Variants in LPP observed in about 807,000 individuals in gnomAD.
The protein encoded by LPP is LIM domain containing preferred translocation partner in lipoma, also known as lipoma-preferred partner.
Under a neutral mutation model 60.4 loss-of-function variants are expected in LPP, and 38 were observed. That is an observed-to-expected ratio of 0.63 (90% CI 0.49 to 0.83). The LOEUF (loss-of-function observed/expected upper bound fraction) is 0.83. Ranked by LOEUF, LPP falls within the 40% of genes least tolerant of loss-of-function variation. The probability of loss-of-function intolerance (pLI) is 0.00; values close to 1 mark genes in which losing one functional copy is unlikely to be tolerated. For missense variants in LPP, 902 were observed against 783.6 expected (o/e 1.15, Z -1.80); for synonymous variants, 328 against 290.8 (o/e 1.13, Z -1.30).
chr3:188,874,683 T>G lies in LPP; in HGVS notation c.*204T>G. ...CACATTGAATCATGTAGGATCTTGA[T>G]GGGCCTTTGTTCCCAAGGACTTCCA... On this transcript the variant is annotated 3_prime_UTR_variant, in exon 12 of 12. Coordinates refer to ENST00000617246, the MANE Select transcript of LPP (RefSeq NM_001375462.1). 1 of 550,622 alleles carries G rather than the reference T, an allele frequency of 1.8e-6. No homozygotes were observed. The highest frequency in any genetic ancestry group is 3.0e-5 in the South Asian group (1 of 33,314). The allele number at this position is 550,622 out of a possible 1,614,324, so 34.1% of individuals were successfully genotyped here. A position where few individuals can be genotyped will look rare whatever the true frequency, so the allele number is the denominator to read the frequency against.
chr3:188,189,830 G>A (rs1256404368), intron 1 of LPP, among the ~76,000 whole-genome samples: 1 of 152,014 alleles, frequency 6.6e-6, no homozygotes, highest in African/African-American at 2.4e-5. Context: ...GAAAGAGGGG[G>A]GTGCTGACAC....
intron 6 of LPP, among the ~76,000 whole-genome samples, chr3:188,551,164 A>T (rs968083153): frequency 6.6e-6 from 1 of 152,230 alleles, no homozygotes; most frequent in Non-Finnish European, 1.5e-5. Flanking sequence ...TTACAGTTCC[A>T]CATGGCTGGG....
rs1233826402 is a variant in LPP, at chr3:188,887,639, GTGCCT to G, written c.*13163_*13167del. 4.7e-6 allele frequency: 1 copy of G among 211,988 alleles called. No individual in the cohort carries two copies. The highest frequency in any genetic ancestry group is 9.6e-6 in the Non-Finnish European group (1 of 104,654). 13.1% of individuals were successfully genotyped at this position (211,988 alleles called of 1,614,324 possible). A position where few individuals can be genotyped will look rare whatever the true frequency, so the allele number is the denominator to read the frequency against. On this transcript the variant is annotated 3_prime_UTR_variant, in exon 12 of 12. Transcript: ENST00000617246. ...GATTATAGTGCCAAAAATAGTTAAA[GTGCCT>G]TGGTCCTCCCTCTGTAGGCAGCAAA...
At chr3:188,165,659 C>T (rs374998385) in intron 1 of LPP, among the ~76,000 whole-genome samples, 30 of 152,278 alleles carry the variant, frequency 2.0e-4, no homozygotes, top group African/African-American at 6.0e-4. Flanking sequence ...GTGTGCTAGA[C>T]GGATTGAAGG....
chr3:188,645,029 AG>A (rs1850846719), intron 7 of LPP, among the ~76,000 whole-genome samples: 1 of 152,224 alleles, frequency 6.6e-6, no homozygotes, highest in South Asian at 2.1e-4. Flanking sequence ...ATCTACATAT[AG>A]AATTATAGTA....
chr3:188,581,115 C>A (rs1050049885), intron 6 of LPP, among the ~76,000 whole-genome samples: 3 of 152,084 alleles, frequency 2.0e-5, no homozygotes, highest in African/African-American at 7.2e-5. Context: ...AATTAACACA[C>A]AAATGGACCA....
intron 9 of LPP, among the ~76,000 whole-genome samples, chr3:188,860,244 A>G (rs1378892860): frequency 6.6e-6 from 1 of 152,138 alleles, no homozygotes; most frequent in Non-Finnish European, 1.5e-5. Context: ...AAGGTAGAGA[A>G]TAAGTTTTTA....
intron 1 of LPP, among the ~76,000 whole-genome samples, chr3:188,184,431 AGT>A (rs1389302289): frequency 4.6e-5 from 7 of 152,184 alleles, no homozygotes; most frequent in Admixed American, 1.3e-4. Context: ...GAGAGAGACA[AGT>A]GTGCTGCCTG....
At chr3:188,710,442 A>AT (rs1400394009) in intron 8 of LPP, 1 of 152,214 alleles carries the variant, frequency 6.6e-6, no homozygotes, top group African/African-American at 2.4e-5. Context: ...TTCAACAGTA[A>AT]TAAGTTCAAT....
chr3:188,846,536 T>C (rs1040054195), intron 9 of LPP, among the ~76,000 whole-genome samples: 1 of 151,672 alleles, frequency 6.6e-6, no homozygotes, highest in African/African-American at 2.4e-5. Context: ...ATACAAAAAT[T>C]AGGCGGGCAT....
At chr3:188,710,639 G>A (rs889200607) in intron 8 of LPP, 2 of 152,014 alleles carry the variant, frequency 1.3e-5, no homozygotes, top group East Asian at 3.9e-4. Context: ...TTATAATGGG[G>A]TCTAAAATAC....
At chr3:188,672,931 T>C (rs1290042149) in intron 7 of LPP, among the ~76,000 whole-genome samples, 6 of 151,848 alleles carry the variant, frequency 4.0e-5, no homozygotes, top group Admixed American at 3.9e-4. Context: ...TGACTTCCAT[T>C]TCTAAGGAAA....
intron 2 of LPP, among the ~76,000 whole-genome samples, chr3:188,246,828 G>A (rs1190626812): frequency 1.3e-5 from 2 of 152,126 alleles, no homozygotes; most frequent in Admixed American, 6.6e-5. Flanking sequence ...TATCTTGTTC[G>A]AAGTTACTAA....
chr3:188,556,376 T>A (rs1338410114), intron 6 of LPP, among the ~76,000 whole-genome samples: 1 of 152,126 alleles, frequency 6.6e-6, no homozygotes, highest in Non-Finnish European at 1.5e-5. Context: ...AAAGAAATGA[T>A]ATGTTTTGTC....
intron 6 of LPP, among the ~76,000 whole-genome samples, chr3:188,553,055 A>T (rs187112705): frequency 6.6e-6 from 1 of 152,158 alleles, no homozygotes; most frequent in African/African-American, 2.4e-5. Context: ...AGTTATTCTG[A>T]TGGCCATAGA....
At chr3:188,627,391 C>G (rs775064362) in intron 7 of LPP, among the ~76,000 whole-genome samples, 1 of 152,148 alleles carries the variant, frequency 6.6e-6, no homozygotes, top group Non-Finnish European at 1.5e-5. Context: ...ATGCTGTTTT[C>G]CAGAGTCCCA....
intron 8 of LPP, among the ~76,000 whole-genome samples, chr3:188,727,987 A>G (rs1052123614): frequency 6.6e-6 from 1 of 152,176 alleles, no homozygotes; most frequent in Non-Finnish European, 1.5e-5. Flanking sequence ...ATACTCATTC[A>G]TAGAATTATA....
At chr3:188,548,591 T>G (rs1827269700) in intron 6 of LPP, among the ~76,000 whole-genome samples, 2 of 152,124 alleles carry the variant, frequency 1.3e-5, no homozygotes, top group African/African-American at 2.4e-5. Context: ...ACTTCCTGCC[T>G]TCTTTTGGGG....
chr3:188,785,547 T>TATATATATATACACACAC (rs1206082559), intron 9 of LPP, among the ~76,000 whole-genome samples: 452 of 43,842 alleles, frequency 0.01, 79 homozygotes, highest in East Asian at 0.025. Flanking sequence ...TATATATATA[T>TATATATATATACACACAC]ACACACACAC....
Sources: allele counts gnomAD v4.1 joint callset (sites outside exome capture counted in the v4.1 genomes callset), GRCh38; gene constraint gnomAD v4.1.1; transcripts MANE v1.5; gene names NCBI Gene and HGNC (gene_info 2026-07-23, HGNC 2026-07-21).